TFDP2: variants seen among roughly 807,000 people sequenced by gnomAD.
The protein encoded by TFDP2 is transcription factor Dp-2, also known as transcription factor Dp-2 (E2F dimerization partner 2).
A neutral mutation model predicts 59.3 loss-of-function variants in TFDP2; 17 were observed. That is an observed-to-expected ratio of 0.29 (90% CI 0.20 to 0.43). The LOEUF (loss-of-function observed/expected upper bound fraction) is 0.43, where lower values mean the gene tolerates loss of function less well. TFDP2 is among the 20% of genes least tolerant of loss of function. The pLI is 1.00. For synonymous variants in TFDP2, 180 were observed against 194.7 expected (o/e 0.92, Z 0.63); for missense variants, 391 against 528.8 (o/e 0.74, Z 2.56).
chr3:142,088,959 C>G lies in TFDP2; in HGVS notation c.82+4102G>C, dbSNP rs1008010396. Among the ~76,000 whole-genome samples the G allele has an allele frequency of 3.9e-5, 6 of 152,000 alleles. 1 individual carries two copies. Among genetic ancestry groups the G allele is most frequent in the Admixed American group, 3.9e-4 (6 of 15,252 alleles). On this transcript the variant is annotated intron_variant, in intron 3 of 12. Coordinates refer to ENST00000489671, the MANE Select transcript of TFDP2 (RefSeq NM_001178139.2). Reference sequence around the variant, plus strand: ...TCTCCTGCCTCAGCCTCCCAAGCAGCTGGGATTACAGGTGCCCGCCACCAT... The same window carrying G: ...TCTCCTGCCTCAGCCTCCCAAGCAGGTGGGATTACAGGTGCCCGCCACCAT...
intron 10 of TFDP2, among the ~76,000 whole-genome samples, chr3:141,962,275 T>C (rs1180503115): frequency 6.6e-6 from 1 of 151,996 alleles, no homozygotes; most frequent in African/African-American, 2.4e-5. Flanking sequence ...AATTTATTGG[T>C]TCTGGTTTAC....
chr3:142,079,405 G>C (rs1205856448), intron 3 of TFDP2, among the ~76,000 whole-genome samples: 1 of 152,086 alleles, frequency 6.6e-6, no homozygotes, highest in African/African-American at 2.4e-5. Flanking sequence ...CTCCAAAAAA[G>C]CAAATCTAAA....
chr3:142,092,398 C>T (rs2108617480), intron 3 of TFDP2, among the ~76,000 whole-genome samples: 1 of 152,246 alleles, frequency 6.6e-6, no homozygotes, highest in South Asian at 2.1e-4. Context: ...ATGATTATGG[C>T]TCACTGCAGC....
chr3:142,005,399 G>A, intron 4 of TFDP2, 42 bp downstream of exon 4: 1 of 1,461,004 alleles, frequency 6.8e-7, no homozygotes, highest in Non-Finnish European at 9.5e-7. Flanking sequence ...ATTAGTCTTG[G>A]CTAAACAAAG....
At chr3:142,044,517 A>C (rs992130739) in intron 3 of TFDP2, among the ~76,000 whole-genome samples, 18 of 151,940 alleles carry the variant, frequency 1.2e-4, no homozygotes, top group African/African-American at 4.1e-4. Flanking sequence ...TACAGGTGTG[A>C]GCTGCCACAC....
chr3:142,123,589 T>C (rs2062130854), intron 1 of TFDP2, among the ~76,000 whole-genome samples: 2 of 152,150 alleles, frequency 1.3e-5, no homozygotes, highest in African/African-American at 4.8e-5. Flanking sequence ...AGCTATGGCA[T>C]GCAAAATGAT....
intron 1 of TFDP2, among the ~76,000 whole-genome samples, chr3:142,107,752 A>C (rs1253790685): frequency 9.2e-5 from 14 of 152,198 alleles, no homozygotes; most frequent in Non-Finnish European, 1.5e-5. Flanking sequence ...GTGCCAGAAT[A>C]TGAACTCAGG....
rs1272488900 is a variant in TFDP2, at chr3:141,949,839, T to C, written c.*2674A>G. The C allele has an allele frequency of 1.1e-5, 1 of 89,878 alleles. No individual in the cohort carries two copies. Among genetic ancestry groups the C allele is most frequent in the Non-Finnish European group, 2.1e-5 (1 of 48,470 alleles). 5.6% of individuals were successfully genotyped at this position (89,878 alleles called of 1,614,324 possible). A position where few individuals can be genotyped will look rare whatever the true frequency, so the allele number is the denominator to read the frequency against. On this transcript the variant is annotated 3_prime_UTR_variant, in exon 13 of 13. Transcript: ENST00000489671. Reference sequence around the variant, plus strand: ...TTTTTTTTTTTTTTGAGACAGGGTCTTGCTCTGTCACCCAGGCTGGAGTGC... The same window carrying C: ...TTTTTTTTTTTTTTGAGACAGGGTCCTGCTCTGTCACCCAGGCTGGAGTGC...
chr3:142,101,228 A>G (rs1173235593), intron 2 of TFDP2, among the ~76,000 whole-genome samples: 1 of 152,196 alleles, frequency 6.6e-6, no homozygotes, highest in African/African-American at 2.4e-5. Flanking sequence ...GATCACCTCA[A>G]GTAGAGGGAA....
chr3:141,968,376 T>A (rs1386565614), intron 9 of TFDP2, among the ~76,000 whole-genome samples: 1 of 109,626 alleles, frequency 9.1e-6, no homozygotes, highest in Non-Finnish European at 1.9e-5. Flanking sequence ...ATATATAACA[T>A]ATATCTCATA....
At chr3:142,035,323 A>G (rs894127796) in intron 3 of TFDP2, among the ~76,000 whole-genome samples, 1 of 152,216 alleles carries the variant, frequency 6.6e-6, no homozygotes, top group Non-Finnish European at 1.5e-5. Context: ...CCTACTTTGA[A>G]CTAATTGCAT....
intron 1 of TFDP2, among the ~76,000 whole-genome samples, chr3:142,148,734 T>A (rs2063269191): frequency 6.6e-6 from 1 of 152,200 alleles, no homozygotes; most frequent in Admixed American, 6.5e-5. Context: ...CAGAGAAAAG[T>A]TCCTTTATGG....
At chr3:142,013,835 A>G (rs1232641769) in intron 3 of TFDP2, among the ~76,000 whole-genome samples, 1 of 75,902 alleles carries the variant, frequency 1.3e-5, no homozygotes, top group African/African-American at 5.1e-5. Context: ...CAATATGTCC[A>G]ACTAAAATGA....
At chr3:141,984,883 A>G (rs1941910663) in intron 6 of TFDP2, among the ~76,000 whole-genome samples, 1 of 152,168 alleles carries the variant, frequency 6.6e-6, no homozygotes, top group Non-Finnish European at 1.5e-5. Context: ...CATGTTTCTG[A>G]GCAAAACTAA....
chr3:141,967,167 G>T (rs1439748324), intron 9 of TFDP2, among the ~76,000 whole-genome samples: 3 of 150,404 alleles, frequency 2.0e-5, no homozygotes, highest in African/African-American at 4.9e-5. Context: ...TGCCCACCTC[G>T]GCCTCCCCAA....
At chr3:142,093,804 C>A in intron 2 of TFDP2, 1 of 233,960 alleles carries the variant, frequency 4.3e-6, no homozygotes, top group Non-Finnish European at 9.0e-6. Flanking sequence ...GGGGTTTGGC[C>A]TTGGTCAAGT....
intron 3 of TFDP2, among the ~76,000 whole-genome samples, chr3:142,069,177 G>A (rs1351020444): frequency 1.3e-5 from 2 of 152,150 alleles, no homozygotes; most frequent in African/African-American, 4.8e-5. Flanking sequence ...ACCTCCGAAA[G>A]TGCTGGGATT....
Position 142,101,850 on chromosome 3 carries a change from G to A in TFDP2, c.-92-9C>T. On this transcript the variant is annotated splice_polypyrimidine_tract_variant and intron_variant, in intron 1 of 12. Transcript: ENST00000489671. ...TTCTTTAAAAGAACAACCTGTTAAAGGAAAACAGAGGGAATAGTAATGTAA... is the reference window on the plus strand; with the variant it reads ...TTCTTTAAAAGAACAACCTGTTAAAAGAAAACAGAGGGAATAGTAATGTAA... 3 of 590,630 alleles carry A rather than the reference G, an allele frequency of 5.1e-6. No individual in the cohort carries two copies. Among genetic ancestry groups the A allele is most frequent in the South Asian group, 3.8e-5 (1 of 26,582 alleles). 36.6% of individuals were successfully genotyped at this position (590,630 alleles called of 1,614,324 possible). A position where few individuals can be genotyped will look rare whatever the true frequency, so the allele number is the denominator to read the frequency against.
At position 142,017,181 on chromosome 3, in the gene TFDP2, C is replaced by T. The variant is rs149629701; in HGVS notation, c.83-11637G>A. 2.0e-5 allele frequency among the ~76,000 whole-genome samples: 3 copies of T among 152,262 alleles called. No homozygotes were observed. In the East Asian group the frequency reaches 5.8e-4, roughly 29 times the overall value. On this transcript the variant is annotated intron_variant, in intron 3 of 12. Coordinates refer to ENST00000489671, the MANE Select transcript of TFDP2 (RefSeq NM_001178139.2). The stretch of plus-strand genomic sequence containing the variant: ...TATTTTTCCACCATAGTACTTATCT[C>T]TATATGACACATTACATATTTATAT...
Sources: gnomAD v4.1 joint callset for allele counts (sites outside exome capture counted in the v4.1 genomes callset) on GRCh38, gnomAD v4.1.1 for gene constraint, MANE v1.5 for transcripts, NCBI Gene and HGNC (gene_info 2026-07-23, HGNC 2026-07-21) for gene names.